PTPN22: variants seen among roughly 807,000 people sequenced by gnomAD.
PTPN22 encodes the protein protein tyrosine phosphatase non-receptor type 22, also known as tyrosine-protein phosphatase non-receptor type 22.
Under a neutral mutation model 103.3 loss-of-function variants are expected in PTPN22, and 85 were observed. That is an observed-to-expected ratio of 0.82 (90% CI 0.69 to 0.99). PTPN22 has a LOEUF of 0.99. Ranked by LOEUF, PTPN22 falls within the 50% of genes least tolerant of loss-of-function variation. PTPN22 has a pLI of 0.00. For synonymous variants in PTPN22, 323 were observed against 310.2 expected, an observed-to-expected ratio of 1.04 and a Z score of -0.43; for missense variants, 865 against 936.9, an observed-to-expected ratio of 0.92 and a Z score of 1.00.
intron 5 of PTPN22, chr1:113,857,524 T>G (rs1277292209): frequency 2.1e-6 from 1 of 472,454 alleles, no homozygotes; most frequent in Non-Finnish European, 3.8e-6. Context: ...TGTTTTTAAC[T>G]GTAAAACATA....
chr1:113,843,107 A>AAAAAAAAAAAG (rs1377864693), intron 11 of PTPN22, among the ~76,000 whole-genome samples: 1 of 146,836 alleles, frequency 6.8e-6, no homozygotes, highest in Admixed American at 6.8e-5. Context: ...CTCAAAAAAA[A>AAAAAAAAAAAG]AAAAAAAGAA....
At chr1:113,826,342 C>T (rs1558019596) in intron 18 of PTPN22, among the ~76,000 whole-genome samples, 1 of 140,846 alleles carries the variant, frequency 7.1e-6, no homozygotes, top group African/African-American at 2.7e-5. Flanking sequence ...AAGACCCTGT[C>T]TAAAAAAGAA....
At chr1:113,833,979 A>G (rs547636142) in intron 15 of PTPN22, among the ~76,000 whole-genome samples, 1 of 152,210 alleles carries the variant, frequency 6.6e-6, no homozygotes, top group South Asian at 2.1e-4. Flanking sequence ...CTCTTTCACT[A>G]AATCTTCCTT....
intron 4 of PTPN22, chr1:113,858,049 A>G (rs1430133823): frequency 4.2e-6 from 1 of 239,874 alleles, no homozygotes; most frequent in Non-Finnish European, 7.9e-6. Context: ...ATTTATTTTT[A>G]TTATTTTTTA....
At chr1:113,854,373 A>G in intron 9 of PTPN22, 98 bp downstream of exon 9, 1 of 1,137,010 alleles carries the variant, frequency 8.8e-7, no homozygotes, top group East Asian at 2.4e-5. Context: ...TCTAGAAAAG[A>G]TGAATCATGA....
At chr1:113,853,984 G>A (rs1008917773) in intron 9 of PTPN22, among the ~76,000 whole-genome samples, 7 of 146,732 alleles carry the variant, frequency 4.8e-5, no homozygotes, top group African/African-American at 1.8e-4. Flanking sequence ...TCCCGCCTCA[G>A]CCTCCTGAGT....
intron 4 of PTPN22, 51 bp downstream of exon 4, chr1:113,858,427 C>A: frequency 7.4e-7 from 1 of 1,342,404 alleles, no homozygotes. Flanking sequence ...TTTAAAAGCA[C>A]TGTTTTTAAT....
chr1:113,854,010 C>T (rs562704300), intron 9 of PTPN22, among the ~76,000 whole-genome samples: 64 of 151,564 alleles, frequency 4.2e-4, no homozygotes, highest in Non-Finnish European at 7.8e-4. Flanking sequence ...GGACTACAGG[C>T]GTCCACCACC....
At chr1:113,845,062 T>G (rs1663928917) in intron 11 of PTPN22, among the ~76,000 whole-genome samples, 2 of 152,166 alleles carry the variant, frequency 1.3e-5, no homozygotes, top group Non-Finnish European at 2.9e-5. Flanking sequence ...CAAGGAATCC[T>G]CCCACCTTGG....
At chr1:113,870,931 G>T (rs946074713) in intron 1 of PTPN22, among the ~76,000 whole-genome samples, 2 of 152,162 alleles carry the variant, frequency 1.3e-5, no homozygotes, top group Non-Finnish European at 2.9e-5. Flanking sequence ...TACTCAGGAG[G>T]CTGAGGCAAG....
chr1:113,846,827 C>T (rs774890230), intron 11 of PTPN22, among the ~76,000 whole-genome samples: 2 of 152,076 alleles, frequency 1.3e-5, no homozygotes, highest in Non-Finnish European at 2.9e-5. Context: ...TGCTGTCATT[C>T]TAATTGTTTT....
intron 11 of PTPN22, among the ~76,000 whole-genome samples, chr1:113,840,549 A>G (rs1403822154): frequency 6.6e-6 from 1 of 152,258 alleles, no homozygotes; most frequent in South Asian, 2.1e-4. Flanking sequence ...ATATAAATAA[A>G]TAGACATTCA....
At chr1:113,835,798 G>C (rs1662954662) in intron 13 of PTPN22, among the ~76,000 whole-genome samples, 1 of 152,062 alleles carries the variant, frequency 6.6e-6, no homozygotes, top group Non-Finnish European at 1.5e-5. Context: ...CAAAACAACA[G>C]TATAGGATAG....
rs754156386 is a variant in PTPN22 at position 113,859,067 on chromosome 1, G to A, written c.208C>T (p.Arg70Trp). The A allele has an allele frequency of 7.4e-5, 119 of 1,613,478 alleles. No homozygotes were observed. The highest frequency in any genetic ancestry group is 2.1e-4 in the South Asian group (19 of 90,966). Residue 70 changes from arginine (R) to tryptophan (W), a missense_variant, in exon 3 of 21, where the codon CGG becomes TGG. By Grantham distance (101) the Arg-to-Trp change is moderately radical. This residue lies in a region of PTPN22 where 457 missense variants were observed against 529.1 expected (regional missense o/e 0.86). Transcript: ENST00000359785. The stretch of plus-strand genomic sequence containing the variant: ...GAGGTTATCAGGGATAGTTCTACCC[G>A]GCTATAATCATCTATAATACAAAAG...
At chr1:113,826,896 C>T (rs1269110116) in intron 18 of PTPN22, among the ~76,000 whole-genome samples, 1 of 151,576 alleles carries the variant, frequency 6.6e-6, no homozygotes, top group Non-Finnish European at 1.5e-5. Flanking sequence ...GCCTCGATCT[C>T]CTGACCTCGT....
chr1:113,842,957 G>A (rs549340691), intron 11 of PTPN22, among the ~76,000 whole-genome samples: 4 of 148,542 alleles, frequency 2.7e-5, no homozygotes, highest in Admixed American at 6.7e-5. Flanking sequence ...AAAAATAGCC[G>A]GGCGTAGTGG....
intron 16 of PTPN22, among the ~76,000 whole-genome samples, chr1:113,830,816 C>T (rs1662481696): frequency 6.6e-6 from 1 of 152,000 alleles, no homozygotes; most frequent in African/African-American, 2.4e-5. Flanking sequence ...TTATATGGTG[C>T]TGAGTATTAC....
chr1:113,855,817 A>G (rs186809165), intron 7 of PTPN22, among the ~76,000 whole-genome samples: 22 of 152,328 alleles, frequency 1.4e-4, no homozygotes, highest in Admixed American at 8.5e-4. Flanking sequence ...TATGCCTCCA[A>G]TGTGTCACAA....
At chr1:113,846,243 T>C (rs985145143) in intron 11 of PTPN22, among the ~76,000 whole-genome samples, 1 of 152,184 alleles carries the variant, frequency 6.6e-6, no homozygotes, top group African/African-American at 2.4e-5. Context: ...CTTTCCTGCA[T>C]TTTTTAGAAT....
Sources: allele counts gnomAD v4.1 joint callset (sites outside exome capture counted in the v4.1 genomes callset), GRCh38; gene constraint gnomAD v4.1.1; regional missense constraint gnomAD v4.1.1; transcripts MANE v1.5; gene names NCBI Gene and HGNC (gene_info 2026-07-23, HGNC 2026-07-21).